The following UGGT2 variants were observed in gnomAD, a reference collection of about 807,000 sequenced individuals.
UGGT2 encodes the protein UDP-glucose glycoprotein glucosyltransferase 2, also known as UDP-glucose:glycoprotein glucosyltransferase 2.
Under a neutral mutation model 192.1 loss-of-function variants are expected in UGGT2, and 180 were observed. The ratio of observed to expected loss-of-function variants is 0.94; its 90% CI spans 0.83 to 1.06. The LOEUF is 1.06. Ranked by LOEUF, UGGT2 falls within the 50% of genes least tolerant of loss-of-function variation. The pLI, the probability that UGGT2 is intolerant of heterozygous loss-of-function variation, is 0.00. For missense variants in UGGT2, 1,849 were observed against 1,795.7 expected (o/e 1.03, Z -0.54); for synonymous variants, 580 against 591.0 (o/e 0.98, Z 0.27).
At chr13:95,940,264 G>T (rs1438515532) in intron 15 of UGGT2, among the ~76,000 whole-genome samples, 173 bp from the exon 16 acceptor site, 1 of 151,360 alleles carries the variant, frequency 6.6e-6, no homozygotes, top group Non-Finnish European at 1.5e-5. Flanking sequence ...AATAAAGATG[G>T]TTTTAAAATA....
In UGGT2 at chr13:95,947,034, C is replaced by T; in HGVS notation, c.1677+3G>A. 2 of 1,585,726 alleles carry T rather than the reference C, an allele frequency of 1.3e-6. No homozygotes were observed. Among genetic ancestry groups the T allele is most frequent in the Non-Finnish European group, 1.7e-6 (2 of 1,170,216 alleles). ...ACAAATCACATTTAGTGCATAAACT[C>T]ACGTGTACTATAGAAATAAATGCTT... On this transcript the variant is annotated splice_donor_region_variant and intron_variant, in intron 15 of 38. Coordinates refer to ENST00000376747, the MANE Select transcript of UGGT2 (RefSeq NM_020121.4).
At chr13:95,804,653 T>C (rs918493502) in intron 38 of UGGT2, among the ~76,000 whole-genome samples, 2 of 152,166 alleles carry the variant, frequency 1.3e-5, no homozygotes, top group African/African-American at 4.8e-5. Context: ...ATATGATCAA[T>C]TCATCTTTGA....
chr13:95,935,175 G>C (rs1039464779), intron 17 of UGGT2, among the ~76,000 whole-genome samples: 2 of 152,116 alleles, frequency 1.3e-5, no homozygotes, highest in Admixed American at 6.5e-5. Flanking sequence ...TTTAAGTGAG[G>C]CACTTAGGCC....
At chr13:96,037,935 A>G (rs763719370) in intron 1 of UGGT2, among the ~76,000 whole-genome samples, 1 of 152,256 alleles carries the variant, frequency 6.6e-6, no homozygotes. Flanking sequence ...CTATTCTCAC[A>G]TAATGTGTCA....
Position 95,998,785 on chromosome 13 carries a change from G to GA in UGGT2, c.757+425dup, listed in dbSNP as rs1051636195. ...GACTCTCTCATCCTGCTTCAGGATA[G>GA]AAAAAAAAAAACTACCATCCTAATT... On this transcript the variant is annotated intron_variant, in intron 6 of 38. Transcript: ENST00000376747. 1.8e-3 allele frequency among the ~76,000 whole-genome samples: 260 copies of GA among 145,092 alleles called. 11 individuals are homozygous for GA. The highest frequency in any genetic ancestry group is 1.0e-3 in the Non-Finnish European group (67 of 65,610).
intron 36 of UGGT2, among the ~76,000 whole-genome samples, chr13:95,842,384 C>T (rs1242094217): frequency 1.3e-5 from 2 of 152,044 alleles, no homozygotes; most frequent in Non-Finnish European, 2.9e-5. Context: ...TTAGAGTCAT[C>T]CATGTTGTCT....
chr13:95,958,110 C>T (rs768701521), intron 12 of UGGT2, among the ~76,000 whole-genome samples: 13 of 152,002 alleles, frequency 8.6e-5, no homozygotes, highest in East Asian at 1.9e-4. Flanking sequence ...GGGAATATGG[C>T]GTTTCTTTCG....
intron 13 of UGGT2, among the ~76,000 whole-genome samples, 169 bp from the exon 14 acceptor site, chr13:95,948,250 CACAT>C (rs1403763252): frequency 1.7e-4 from 25 of 148,264 alleles, no homozygotes; most frequent in East Asian, 6.1e-4. Context: ...CACACACACA[CACAT>C]ATAAAGGATT....
At chr13:95,861,382 T>G (rs2140084598) in intron 31 of UGGT2, among the ~76,000 whole-genome samples, 1 of 152,246 alleles carries the variant, frequency 6.6e-6, no homozygotes, top group South Asian at 2.1e-4. Context: ...CAAGCAGATT[T>G]TCTCCACCAC....
chr13:95,999,520 G>T (rs1430355777), intron 5 of UGGT2, among the ~76,000 whole-genome samples: 7 of 152,150 alleles, frequency 4.6e-5, no homozygotes, highest in African/African-American at 1.4e-4. Context: ...ACTTTGTCAT[G>T]ACTACTGTTT....
chr13:95,807,070 C>T (rs1039300602), intron 38 of UGGT2, among the ~76,000 whole-genome samples: 6 of 152,088 alleles, frequency 3.9e-5, no homozygotes, highest in Admixed American at 3.3e-4. Flanking sequence ...AAAAACTTTA[C>T]TAATAGCCTA....
intron 15 of UGGT2, among the ~76,000 whole-genome samples, chr13:95,944,984 T>C (rs1289195799): frequency 6.6e-6 from 1 of 151,960 alleles, no homozygotes; most frequent in Non-Finnish European, 1.5e-5. Flanking sequence ...CATACAACTT[T>C]AGTACTTTTT....
At chr13:95,986,653 TG>T in intron 8 of UGGT2, among the ~76,000 whole-genome samples, 1 of 152,232 alleles carries the variant, frequency 6.6e-6, no homozygotes, top group Admixed American at 6.5e-5. Context: ...TAATACCTCT[TG>T]TTTCCACAAA....
rs774612720 is a variant in UGGT2 at position 95,833,087 on chromosome 13, C to A, written c.4402-34G>T. 4.4e-6 allele frequency: 7 copies of A among 1,602,786 alleles called. No homozygotes were observed. The Admixed American group carries it at 8.5e-5, about 19-fold the overall frequency. ...TTAAGTAAATTTTGTTAATGAAAGA[C>A]CATGCTCCTGGAAACATAAGGACAA... On this transcript the variant is annotated intron_variant, in intron 37 of 38. Coordinates refer to ENST00000376747, the MANE Select transcript of UGGT2 (RefSeq NM_020121.4).
At chr13:95,991,234 C>T (rs1380341823) in intron 7 of UGGT2, 7 of 252,160 alleles carry the variant, frequency 2.8e-5, no homozygotes, top group Admixed American at 2.7e-4. Context: ...TTTGGGTATA[C>T]ACCCAGTAAT....
chr13:95,834,117 T>C (rs556835217), intron 37 of UGGT2, among the ~76,000 whole-genome samples: 1 of 152,320 alleles, frequency 6.6e-6, no homozygotes, highest in Admixed American at 6.5e-5. Context: ...ATGTCTTCTA[T>C]ATAGTGAAGA....
chr13:95,970,737 TAAAC>T (rs754666442), intron 11 of UGGT2, among the ~76,000 whole-genome samples: 1 of 152,166 alleles, frequency 6.6e-6, no homozygotes, highest in East Asian at 1.9e-4. Context: ...TGAAAGTTCT[TAAAC>T]ATAATAGAAA....
chr13:95,905,777 C>T (rs374217397), intron 20 of UGGT2, among the ~76,000 whole-genome samples: 13 of 152,018 alleles, frequency 8.6e-5, no homozygotes, highest in East Asian at 5.8e-4. Flanking sequence ...CTTGGTGATG[C>T]GGGCTCTTTT....
chr13:95,975,053 C>A (rs1477430988), intron 10 of UGGT2, among the ~76,000 whole-genome samples: 1 of 152,066 alleles, frequency 6.6e-6, no homozygotes, highest in Non-Finnish European at 1.5e-5. Context: ...TGCACTCCAT[C>A]CTGGATGATA....
Sources: gnomAD v4.1 joint callset for allele counts (sites outside exome capture counted in the v4.1 genomes callset) on GRCh38, gnomAD v4.1.1 for gene constraint, MANE v1.5 for transcripts, NCBI Gene and HGNC (gene_info 2026-07-23, HGNC 2026-07-21) for gene names.